SAMD5: variants seen among roughly 807,000 people sequenced by gnomAD.
SAMD5 encodes sterile alpha motif domain-containing protein 5.
A neutral mutation model predicts 11.3 loss-of-function variants in SAMD5; 13 were observed. The observed-to-expected ratio is 1.15, with a 90% CI of 0.75 to 1.83. The LOEUF (loss-of-function observed/expected upper bound fraction) is 1.83, where lower values mean the gene tolerates loss of function less well. Among genes scored for constraint, SAMD5 ranks in the 40% most tolerant of loss-of-function variants. The probability of loss-of-function intolerance (pLI) is 0.00; values close to 1 mark genes in which losing one functional copy is unlikely to be tolerated. For missense variants in SAMD5, 255 were observed against 239.1 expected (o/e 1.07, Z -0.44); for synonymous variants, 129 against 111.3 (o/e 1.16, Z -1.00).
chr6:147,669,425 T>C (rs1790765714), intron 1 of SAMD5, among the ~76,000 whole-genome samples: 2 of 139,080 alleles, frequency 1.4e-5, no homozygotes, highest in Non-Finnish European at 3.1e-5. Flanking sequence ...CACTTCTTTT[T>C]TTTTTTTTTT....
the SAMD5 span, among the ~76,000 whole-genome samples, chr6:147,815,592 T>G: frequency 6.6e-6 from 1 of 152,234 alleles, no homozygotes; most frequent in African/African-American, 2.4e-5. Flanking sequence ...TCTGGAGGCA[T>G]GACATGCTGT....
chr6:147,570,582 TGAA>T (rs1245021902), downstream of SAMD5, among the ~76,000 whole-genome samples: 2 of 152,196 alleles, frequency 1.3e-5, no homozygotes, highest in African/African-American at 2.4e-5. Context: ...GACATTAATT[TGAA>T]GAAGTTTTAT....
At chr6:147,513,898 T>G (rs112101597) in intron 1 of SAMD5, among the ~76,000 whole-genome samples, 4 of 152,200 alleles carry the variant, frequency 2.6e-5, no homozygotes, top group African/African-American at 9.6e-5. Flanking sequence ...GTCGAGGACC[T>G]TTGCCACAGC....
In SAMD5 at chr6:147,568,570, C is replaced by A; in HGVS notation, c.*4114C>A. ...ACATTGCCAATTCTCAGACCAAGTA[C>A]AAAGTATTAGGAATTTTTTATATCA... On this transcript the variant is annotated 3_prime_UTR_variant, in exon 2 of 2. Coordinates refer to ENST00000367474, the MANE Select transcript of SAMD5 (RefSeq NM_001030060.3). 2 of 985,318 alleles carry A rather than the reference C, an allele frequency of 2.0e-6. No individual in the cohort carries two copies. The highest frequency in any genetic ancestry group is 2.4e-6 in the Non-Finnish European group (2 of 829,906). The allele number at this position is 985,318 out of a possible 1,614,324, so 61.0% of individuals were successfully genotyped here.
chr6:147,689,333 G>T lies in SAMD5; in HGVS notation c.163-47984G>T, dbSNP rs547199918. Among the ~76,000 whole-genome samples, 18 of 152,290 alleles carry T rather than the reference G, an allele frequency of 1.2e-4. 1 individual carries two copies. The East Asian group carries it at 3.3e-3, about 28-fold the overall frequency. ...TCTAAATTAGTTTAGTACTAAAATG[G>T]AAAGAGTCAGCTCAGAAAGAATGGG... On this transcript the variant is annotated intron_variant, in intron 1 of 1. Transcript: ENST00000566741.
At chr6:147,694,141 A>T (rs551804627) in intron 1 of SAMD5, among the ~76,000 whole-genome samples, 58 of 152,338 alleles carry the variant, frequency 3.8e-4, no homozygotes, top group Non-Finnish European at 4.3e-4. Flanking sequence ...TCCTCTGCAA[A>T]TTAAAGTTCT....
chr6:147,529,044 C>T (rs982629883), intron 1 of SAMD5, among the ~76,000 whole-genome samples: 8 of 152,166 alleles, frequency 5.3e-5, no homozygotes, highest in African/African-American at 1.9e-4. Flanking sequence ...GTGTTTCCTC[C>T]TGCCTAGAAC....
chr6:147,808,420 T>C, the SAMD5 span, among the ~76,000 whole-genome samples: 2 of 152,174 alleles, frequency 1.3e-5, no homozygotes, highest in Non-Finnish European at 2.9e-5. Flanking sequence ...CCCAGGCTGT[T>C]CTAGAACTCC....
intron 1 of SAMD5, among the ~76,000 whole-genome samples, chr6:147,689,920 TA>T: frequency 6.6e-6 from 1 of 152,336 alleles, no homozygotes; most frequent in African/African-American, 2.4e-5. Flanking sequence ...TAAAGAGTGC[TA>T]TAGTGTTATT....
chr6:147,718,730 G>T (rs1482904204), intron 1 of SAMD5, among the ~76,000 whole-genome samples: 1 of 151,210 alleles, frequency 6.6e-6, no homozygotes, highest in Non-Finnish European at 1.5e-5. Flanking sequence ...TTGCTCTGTT[G>T]CCAAGGCTAA....
At chr6:147,854,596 G>T in the SAMD5 span, among the ~76,000 whole-genome samples, 1 of 152,062 alleles carries the variant, frequency 6.6e-6, no homozygotes, top group African/African-American at 2.4e-5. Context: ...TCCTGTACTC[G>T]ATTTTTAAAT....
chr6:147,921,124 G>A, the SAMD5 span, among the ~76,000 whole-genome samples: 5 of 152,116 alleles, frequency 3.3e-5, no homozygotes, highest in Admixed American at 6.6e-5. Context: ...CTGCTGAATA[G>A]CCAGTGTCCT....
Position 147,508,789 on chromosome 6 carries a change from G to C in SAMD5, c.-140G>C. On this transcript the variant is annotated 5_prime_UTR_variant, in exon 1 of 2. Coordinates refer to ENST00000367474, the MANE Select transcript of SAMD5 (RefSeq NM_001030060.3). ...TCTGATGGTTTTCCGTCTCCTGCCC[G>C]AGCCTTTCCTTTAAAAGGAAAACTT... 1 of 1,315,722 alleles carries C rather than the reference G, an allele frequency of 7.6e-7. No homozygotes were observed. The highest frequency in any genetic ancestry group is 1.0e-6 in the Non-Finnish European group (1 of 997,546). 81.5% of individuals were successfully genotyped at this position (1,315,722 alleles called of 1,614,324 possible).
the SAMD5 span, among the ~76,000 whole-genome samples, chr6:147,868,473 T>C: frequency 6.6e-6 from 1 of 152,194 alleles, no homozygotes; most frequent in Non-Finnish European, 1.5e-5. Context: ...TTACCTTCAA[T>C]GTTTTAGACA....
chr6:147,749,624 A>C, the SAMD5 span, among the ~76,000 whole-genome samples: 4 of 152,190 alleles, frequency 2.6e-5, no homozygotes, highest in African/African-American at 7.2e-5. Context: ...CATTTGATGG[A>C]ATATGACCGG....
At chr6:147,683,929 CATT>C (rs1790973946) in intron 1 of SAMD5, among the ~76,000 whole-genome samples, 2 of 152,134 alleles carry the variant, frequency 1.3e-5, no homozygotes, top group South Asian at 2.1e-4. Flanking sequence ...ATATTTAAAA[CATT>C]ATTCTTTGCT....
the SAMD5 span, among the ~76,000 whole-genome samples, chr6:147,916,825 C>T: frequency 6.7e-6 from 1 of 149,828 alleles, no homozygotes; most frequent in African/African-American, 2.5e-5. Flanking sequence ...TTTGTTCTTG[C>T]AATAGTTTAC....
chr6:147,783,402 G>A, the SAMD5 span, among the ~76,000 whole-genome samples: 109 of 149,900 alleles, frequency 7.3e-4, no homozygotes, highest in African/African-American at 2.5e-3. Flanking sequence ...GCGGGGGGTC[G>A]GGGCGGGGGG....
the SAMD5 span, among the ~76,000 whole-genome samples, chr6:147,802,908 G>A: frequency 5.3e-5 from 8 of 152,186 alleles, no homozygotes; most frequent in Admixed American, 3.9e-4. Context: ...ATTTGACCAG[G>A]AAAGGGCATG....
Sources: allele counts gnomAD v4.1 joint callset (sites outside exome capture counted in the v4.1 genomes callset), GRCh38; gene constraint gnomAD v4.1.1; transcripts MANE v1.5; gene names NCBI Gene and HGNC (gene_info 2026-07-23, HGNC 2026-07-21).